GSK3B: variants seen among roughly 807,000 people sequenced by gnomAD.
GSK3B encodes the protein glycogen synthase kinase 3 beta.
In GSK3B, 15 loss-of-function variants were observed where a neutral mutation model predicts 56.4. That is an observed-to-expected ratio of 0.27 (90% CI 0.18 to 0.41). The LOEUF (loss-of-function observed/expected upper bound fraction) is 0.41, where lower values mean the gene tolerates loss of function less well. GSK3B is among the 10% of genes least tolerant of loss of function. The pLI, the probability that GSK3B is intolerant of heterozygous loss-of-function variation, is 1.00. For missense variants in GSK3B, 300 were observed against 513.4 expected (o/e 0.58, Z 4.02); for synonymous variants, 181 against 188.9 (o/e 0.96, Z 0.34).
At chr3:119,833,615 CAT>C (rs1197542072) in intron 10 of GSK3B, among the ~76,000 whole-genome samples, 10 of 148,398 alleles carry the variant, frequency 6.7e-5, no homozygotes, top group African/African-American at 2.2e-4. Context: ...AGTAAAATAA[CAT>C]ATTTTAGACA....
intron 1 of GSK3B, among the ~76,000 whole-genome samples, chr3:120,089,874 T>C (rs2058496449): frequency 6.6e-6 from 1 of 152,140 alleles, no homozygotes; most frequent in Non-Finnish European, 1.5e-5. Context: ...TTGGTTTCAC[T>C]ATAGCAAGTA....
chr3:119,995,105 C>T (rs979721088), intron 2 of GSK3B, among the ~76,000 whole-genome samples: 2 of 148,798 alleles, frequency 1.3e-5, no homozygotes, highest in African/African-American at 5.0e-5. Context: ...GCAGGAGGAT[C>T]ACTTAAGCCC....
chr3:120,085,160 T>A (rs867894084), intron 1 of GSK3B, among the ~76,000 whole-genome samples: 1 of 152,152 alleles, frequency 6.6e-6, no homozygotes, highest in African/African-American at 2.4e-5. Flanking sequence ...GCAAAATAGG[T>A]AAATAAAACA....
At chr3:120,006,950 C>A (rs1214962173) in intron 1 of GSK3B, among the ~76,000 whole-genome samples, 2 of 150,462 alleles carry the variant, frequency 1.3e-5, no homozygotes, top group East Asian at 1.9e-4. Flanking sequence ...AGAAAAAAAA[C>A]CTTCAAAAAA....
chr3:119,869,571 T>A (rs909891075), intron 8 of GSK3B, among the ~76,000 whole-genome samples: 1 of 152,188 alleles, frequency 6.6e-6, no homozygotes, highest in Non-Finnish European at 1.5e-5. Context: ...TAACATCCAG[T>A]GAATTTCAGC....
At chr3:120,021,132 T>C (rs1048711232) in intron 1 of GSK3B, among the ~76,000 whole-genome samples, 3 of 152,168 alleles carry the variant, frequency 2.0e-5, no homozygotes, top group Admixed American at 2.0e-4. Context: ...ATTTAGAAGC[T>C]GTAGCAAGTT....
chr3:119,879,892 C>A (rs181524250), intron 7 of GSK3B, among the ~76,000 whole-genome samples: 28 of 152,258 alleles, frequency 1.8e-4, no homozygotes, highest in Non-Finnish European at 3.7e-4. Context: ...AGGTTGCTTC[C>A]AAATCTTGGC....
chr3:120,055,334 T>C (rs369052384), intron 1 of GSK3B, among the ~76,000 whole-genome samples: 3 of 152,292 alleles, frequency 2.0e-5, no homozygotes, highest in South Asian at 2.1e-4. Flanking sequence ...TATACTCAAC[T>C]AGCATTTTTT....
At chr3:120,083,437 C>G (rs2058438639) in intron 1 of GSK3B, among the ~76,000 whole-genome samples, 1 of 151,782 alleles carries the variant, frequency 6.6e-6, no homozygotes, top group Non-Finnish European at 1.5e-5. Flanking sequence ...AGGTAGAAAT[C>G]CAGAGAATGT....
At chr3:119,987,995 C>A (rs1322244337) in intron 2 of GSK3B, among the ~76,000 whole-genome samples, 1 of 152,206 alleles carries the variant, frequency 6.6e-6, no homozygotes, top group African/African-American at 2.4e-5. Flanking sequence ...TTTATGGCTA[C>A]CCTAAAACTT....
chr3:119,847,630 T>C (rs550347635), intron 9 of GSK3B, among the ~76,000 whole-genome samples: 5 of 152,294 alleles, frequency 3.3e-5, no homozygotes, highest in South Asian at 4.1e-4. Context: ...AACAAAGGCA[T>C]TATCTACTAA....
intron 7 of GSK3B, among the ~76,000 whole-genome samples, chr3:119,878,636 G>A (rs2056342258): frequency 6.6e-6 from 1 of 152,060 alleles, no homozygotes; most frequent in South Asian, 2.1e-4. Flanking sequence ...GAATGCACAT[G>A]TTCATACAAA....
intron 10 of GSK3B, among the ~76,000 whole-genome samples, chr3:119,827,792 G>A (rs1261477632): frequency 6.6e-6 from 1 of 151,818 alleles, no homozygotes; most frequent in Non-Finnish European, 1.5e-5. Context: ...CTGAACTCAC[G>A]GAGTTAGAGA....
chr3:119,830,971 C>T (rs2055589120), intron 10 of GSK3B, among the ~76,000 whole-genome samples: 1 of 152,092 alleles, frequency 6.6e-6, no homozygotes, highest in Non-Finnish European at 1.5e-5. Context: ...ACTGCAATAA[C>T]CAACATCATC....
At chr3:119,854,940 G>C (rs1480343779) in intron 9 of GSK3B, among the ~76,000 whole-genome samples, 3 of 152,134 alleles carry the variant, frequency 2.0e-5, no homozygotes, top group Admixed American at 6.6e-5. Flanking sequence ...TCTGACCTTA[G>C]TTATTTCTTG....
At chr3:119,955,200 C>T (rs2057199663) in intron 2 of GSK3B, among the ~76,000 whole-genome samples, 1 of 148,110 alleles carries the variant, frequency 6.8e-6, no homozygotes, top group Admixed American at 6.7e-5. Context: ...TTTGATTTCA[C>T]AGTAAATTCA....
intron 10 of GSK3B, among the ~76,000 whole-genome samples, chr3:119,833,170 G>A (rs2055631398): frequency 7.7e-6 from 1 of 130,692 alleles, no homozygotes; most frequent in Non-Finnish European, 1.5e-5. Context: ...TGTCCCAAAT[G>A]TGGTTGATCA....
intron 1 of GSK3B, among the ~76,000 whole-genome samples, chr3:120,022,921 C>T (rs909176373): frequency 6.6e-6 from 1 of 152,200 alleles, no homozygotes; most frequent in Admixed American, 6.5e-5. Flanking sequence ...GATGCCAAAG[C>T]AGAGTGTCTC....
At chr3:119,865,985 C>T (rs75247538) in intron 8 of GSK3B, among the ~76,000 whole-genome samples, 3,931 of 152,198 alleles carry the variant, frequency 0.026, 174 homozygotes, top group African/African-American at 0.089. Context: ...TATACACTGT[C>T]ATTTTAAACC....
Sources: allele counts gnomAD v4.1 joint callset (sites outside exome capture counted in the v4.1 genomes callset), GRCh38; gene constraint gnomAD v4.1.1; transcripts MANE v1.5; gene names NCBI Gene and HGNC (gene_info 2026-07-23, HGNC 2026-07-21).